Variants in CFAP251 observed in about 807,000 individuals in gnomAD.
CFAP251 encodes cilia and flagella associated protein 251, also known as cilia- and flagella-associated protein 251.
In CFAP251, 93 loss-of-function variants were observed where a neutral mutation model predicts 126.7. The observed-to-expected ratio is 0.73, with a 90% CI of 0.62 to 0.87. CFAP251 has a LOEUF of 0.87. Ranked by LOEUF, CFAP251 falls within the 40% of genes least tolerant of loss-of-function variation. The pLI, the probability that CFAP251 is intolerant of heterozygous loss-of-function variation, is 0.00. For missense variants in CFAP251, 1,287 were observed against 1,389.2 expected, an observed-to-expected ratio of 0.93 and a Z score of 1.17; for synonymous variants, 503 against 506.9, an observed-to-expected ratio of 0.99 and a Z score of 0.10.
At chr12:121,952,480 T>A (rs1006278263) in intron 9 of CFAP251, among the ~76,000 whole-genome samples, 2 of 152,048 alleles carry the variant, frequency 1.3e-5, no homozygotes, top group African/African-American at 4.8e-5. Context: ...AGTGGATCCC[T>A]TATAAAGCTG....
intron 1 of CFAP251, among the ~76,000 whole-genome samples, chr12:121,920,558 G>T (rs12579730): frequency 0.3 from 45,540 of 151,544 alleles, 7,160 homozygotes; most frequent in East Asian, 0.5. Context: ...CGCCAAGCCC[G>T]GCTAATTTTT....
intron 8 of CFAP251, 85 bp from the exon 9 acceptor site, chr12:121,951,395 T>C: frequency 3.4e-6 from 3 of 877,428 alleles, no homozygotes; most frequent in Non-Finnish European, 5.3e-6. Context: ...TGTTTAGATG[T>C]ATTTGTTTTG....
At chr12:121,951,181 A>G (rs1881510212) in intron 8 of CFAP251, 1 of 210,912 alleles carries the variant, frequency 4.7e-6, no homozygotes, top group African/African-American at 2.3e-5. Flanking sequence ...AGATCGCGCC[A>G]CTGCACTCCA....
rs1881836327 is a variant in CFAP251, at chr12:121,959,088, A to G, written c.2127A>G (p.Ala709=). ...ISFSHDSQYM[A]TADRSFTVAV... is the part of the protein sequence containing the mutation. ...TTTCCCATGACTCCCAGTATATGGC[A>G]ACTGCTGTAAGTATTTTCATGGACA... The change falls in exon 13 of 22, where the codon GCA becomes GCG. Residue 709 remains alanine, a synonymous_variant. Transcript: ENST00000288912. 3 of 1,588,392 alleles carry G rather than the reference A, an allele frequency of 1.9e-6. No homozygotes were observed. The highest frequency in any genetic ancestry group is 2.6e-6 in the Non-Finnish European group (3 of 1,172,396).
intron 5 of CFAP251, among the ~76,000 whole-genome samples, chr12:121,940,568 C>A (rs1181941740): frequency 2.0e-5 from 3 of 152,140 alleles, no homozygotes; most frequent in Non-Finnish European, 2.9e-5. Flanking sequence ...ACCATGTGAC[C>A]CGCATTCCTG....
At position 121,959,034 on chromosome 12, in the gene CFAP251, T is replaced by A. The variant is rs749903966; in HGVS notation, c.2073T>A (p.Tyr691Ter). Residue 691 changes from tyrosine (Y) to a stop codon, truncating the protein, a stop_gained, in exon 13 of 22, where the codon TAT (tyrosine) becomes TAA (stop). Coordinates refer to ENST00000288912, the MANE Select transcript of CFAP251 (RefSeq NM_144668.6). LOFTEE classifies it high-confidence loss of function. ...ATGAAAGCCCAGAGCCTTTCAAATA[T>A]TCCAGAACCAGTGTGACTCATATAA... ...LENESPEPFK[Y>*]SRTSVTHISF... The A allele has an allele frequency of 1.2e-6, 2 of 1,613,430 alleles. No homozygotes were observed. Among genetic ancestry groups the A allele is most frequent in the Non-Finnish European group, 1.7e-6 (2 of 1,179,836 alleles).
intron 3 of CFAP251, among the ~76,000 whole-genome samples, chr12:121,928,093 G>C (rs2135748202): frequency 6.6e-6 from 1 of 152,324 alleles, no homozygotes; most frequent in East Asian, 1.9e-4. Flanking sequence ...GGTGACCCGG[G>C]AAGAGCTGTT....
chr12:121,965,661 G>A (rs1328841823), intron 15 of CFAP251, among the ~76,000 whole-genome samples: 4 of 151,968 alleles, frequency 2.6e-5, no homozygotes, highest in Non-Finnish European at 4.4e-5. Context: ...ATGAGATAAA[G>A]CAAATTACCA....
chr12:121,967,913 G>A (rs1882201816), intron 16 of CFAP251, 93 bp from the exon 17 acceptor site: 3 of 1,173,832 alleles, frequency 2.6e-6, no homozygotes, highest in Non-Finnish European at 2.4e-6. Context: ...GGTCCTTCTG[G>A]CACACAGATC....
In CFAP251 at chr12:121,989,525, G is replaced by A. The variant is rs1216226124; in HGVS notation, c.3007-10191G>A. Among the ~76,000 whole-genome samples, 5 of 152,234 alleles carry A rather than the reference G, an allele frequency of 3.3e-5. No homozygotes were observed. Among genetic ancestry groups the A allele is most frequent in the Admixed American group, 6.5e-5 (1 of 15,282 alleles). On this transcript the variant is annotated intron_variant, in intron 19 of 21. Transcript: ENST00000288912. The surrounding 1 kb of genome is among the most constrained non-coding windows in gnomAD (Gnocchi z 4.2). ...GAGGGGGCGCTCACAGGGGTCTCCA[G>A]ATGTGGCCATGCAGTGACGCTGCCC...
At chr12:121,944,794 A>AG (rs1235542860) in intron 7 of CFAP251, among the ~76,000 whole-genome samples, 3 of 152,114 alleles carry the variant, frequency 2.0e-5, no homozygotes, top group Admixed American at 6.6e-5. Context: ...ATGAAAAAAA[A>AG]TCTTTTTTGA....
rs1250923686 is a variant in CFAP251 at position 121,949,023 on chromosome 12, G to A, written c.1231G>A (p.Val411Met). The A allele has an allele frequency of 4.4e-6, 7 of 1,588,282 alleles. No individual in the cohort carries two copies. Among genetic ancestry groups the A allele is most frequent in the Non-Finnish European group, 6.0e-6 (7 of 1,167,558 alleles). ...TFNPTNNKELVSNSKTRAIYY... is the reference protein window; with the variant it reads ...TFNPTNNKELMSNSKTRAIYY... Reference sequence around the variant, plus strand: ...TAACCCAACAAATAATAAAGAATTGGTGAGCAATAGTAAAACACGGGCAAT... The same window carrying A: ...TAACCCAACAAATAATAAAGAATTGATGAGCAATAGTAAAACACGGGCAAT... Residue 411 changes from valine (V) to methionine (M), a missense_variant, in exon 8 of 22, where the codon GTG becomes ATG. Coordinates refer to ENST00000288912, the MANE Select transcript of CFAP251 (RefSeq NM_144668.6).
chr12:121,977,027 G>T (rs1028789211), intron 19 of CFAP251, among the ~76,000 whole-genome samples: 2 of 151,912 alleles, frequency 1.3e-5, no homozygotes, highest in Non-Finnish European at 2.9e-5. Context: ...ATTTAATGTT[G>T]GGGAGATGTT....
chr12:121,949,118 T>C, intron 8 of CFAP251, 57 bp downstream of exon 8: 4 of 1,153,844 alleles, frequency 3.5e-6, no homozygotes, highest in Non-Finnish European at 2.5e-6. Flanking sequence ...TGTTCATTCT[T>C]TGAGTACAAA....
rs11043274 is a variant in CFAP251 at position 121,963,517 on chromosome 12, G to C, written c.2492+1355G>C. ...AGACGGGGAGGACACCAGCCGGGGA[G>C]CAGGGCGTCCGCTGCTGGGGAGCAG... On this transcript the variant is annotated intron_variant, in intron 15 of 21. Coordinates refer to ENST00000288912, the MANE Select transcript of CFAP251 (RefSeq NM_144668.6). Among the ~76,000 whole-genome samples the C allele has an allele frequency of 4.0e-3, 600 of 151,440 alleles. 4 individuals carry two copies. The highest frequency in any genetic ancestry group is 0.014 in the African/African-American group (566 of 41,234).
At chr12:121,976,374 G>A (rs1291496151) in intron 19 of CFAP251, among the ~76,000 whole-genome samples, 2 of 152,120 alleles carry the variant, frequency 1.3e-5, no homozygotes, top group African/African-American at 4.8e-5. Flanking sequence ...TGGGTGCACA[G>A]GAAGAGCTCA....
chr12:121,959,948 A>AC (rs141216602), intron 13 of CFAP251, among the ~76,000 whole-genome samples: 6,489 of 136,758 alleles, frequency 0.047, 311 homozygotes, highest in East Asian at 0.22. Context: ...ACATGGTGAG[A>AC]CACCCCCCAT....
intron 19 of CFAP251, among the ~76,000 whole-genome samples, chr12:121,988,037 T>G (rs1007138812): frequency 6.6e-6 from 1 of 152,092 alleles, no homozygotes; most frequent in African/African-American, 2.4e-5. Context: ...TGTTTCACTC[T>G]TGACTGGTTT....
intron 5 of CFAP251, among the ~76,000 whole-genome samples, chr12:121,935,032 C>T (rs1413710265): frequency 2.6e-5 from 4 of 152,190 alleles, no homozygotes; most frequent in African/African-American, 9.7e-5. Context: ...GAACTCCTGG[C>T]TTCAAGAGAT....
Sources: gnomAD v4.1 joint callset for allele counts (sites outside exome capture counted in the v4.1 genomes callset) on GRCh38, gnomAD v4.1.1 for gene constraint, Gnocchi (gnomAD v3.1) non-coding constraint, MANE v1.5 for transcripts, NCBI Gene and HGNC (gene_info 2026-07-23, HGNC 2026-07-21) for gene names.